The following DHRSX variants were observed in gnomAD, a reference collection of about 807,000 sequenced individuals.
DHRSX encodes dehydrogenase/reductase X-linked, also known as polyprenol dehydrogenase.
In DHRSX, 31 loss-of-function variants were observed where a neutral mutation model predicts 34.0. That is an observed-to-expected ratio of 0.91 (90% confidence interval 0.69 to 1.23). The LOEUF is 1.23. Among genes scored for constraint, DHRSX ranks in the 50% most tolerant of loss-of-function variants. The probability of loss-of-function intolerance (pLI) is 0.00; values close to 1 mark genes in which losing one functional copy is unlikely to be tolerated. For synonymous variants in DHRSX, 201 were observed against 183.8 expected (o/e 1.09, Z -0.76); for missense variants, 414 against 428.1 (o/e 0.97, Z 0.29).
At chrX:2,274,585 C>CTT (rs35716727) in intron 4 of DHRSX, among the ~76,000 whole-genome samples, 50 of 129,128 alleles carry the variant, frequency 3.9e-4, no homozygotes, top group Admixed American at 1.0e-3. Context: ...CCCGGCTAAA[C>CTT]TTTTTTTTTT....
intron 5 of DHRSX, among the ~76,000 whole-genome samples, chrX:2,246,584 T>C (rs1333355231): frequency 2.0e-5 from 3 of 148,950 alleles, no homozygotes; most frequent in Admixed American, 6.7e-5. Context: ...GATCACGCCA[T>C]TGTACTCCAG....
At chrX:2,464,164 A>G (rs969050789) in intron 1 of DHRSX, among the ~76,000 whole-genome samples, 5 of 149,576 alleles carry the variant, frequency 3.3e-5, no homozygotes, top group African/African-American at 1.2e-4. Context: ...GAATGCAGCG[A>G]AGAGATGGCA....
intron 3 of DHRSX, among the ~76,000 whole-genome samples, chrX:2,336,753 G>A (rs1436617638): frequency 2.0e-5 from 3 of 151,876 alleles, no homozygotes; most frequent in Non-Finnish European, 4.4e-5. Context: ...TCAGACTTCT[G>A]GTCTCCAGGA....
At chrX:2,266,476 G>A (rs2041474210) in intron 5 of DHRSX, among the ~76,000 whole-genome samples, 3 of 148,830 alleles carry the variant, frequency 2.0e-5, no homozygotes, top group Admixed American at 2.0e-4. Flanking sequence ...CAGAGCACCA[G>A]TGCTCGGCAG....
At chrX:2,485,778 AG>A (rs2044893106) in intron 1 of DHRSX, among the ~76,000 whole-genome samples, 1 of 22,980 alleles carries the variant, frequency 4.4e-5, no homozygotes. Context: ...GAAGGAAGGG[AG>A]AAAAGGGAGA....
chrX:2,332,968 G>A (rs1459155360), intron 3 of DHRSX, among the ~76,000 whole-genome samples: 1 of 151,984 alleles, frequency 6.6e-6, no homozygotes, highest in African/African-American at 2.4e-5. Flanking sequence ...AGGGGGCTTG[G>A]TTTCATTTTG....
At chrX:2,410,043 T>C (rs2043606299) in intron 2 of DHRSX, among the ~76,000 whole-genome samples, 2 of 152,184 alleles carry the variant, frequency 1.3e-5, no homozygotes. Flanking sequence ...GTTTCTTTAA[T>C]GTCTTAGGAA....
intron 4 of DHRSX, among the ~76,000 whole-genome samples, chrX:2,288,180 G>GGA (rs1208305900): frequency 2.0e-5 from 3 of 151,840 alleles, no homozygotes; most frequent in Non-Finnish European, 4.4e-5. Flanking sequence ...GGGAAGAGAG[G>GGA]GAGAGAGAGA....
chrX:2,397,659 AC>A (rs919031728), intron 3 of DHRSX, among the ~76,000 whole-genome samples: 2 of 151,668 alleles, frequency 1.3e-5, no homozygotes, highest in Non-Finnish European at 2.9e-5. Context: ...CATTTTAACA[AC>A]ACTCATTAAT....
At chrX:2,313,856 C>A (rs1416727486) in intron 3 of DHRSX, among the ~76,000 whole-genome samples, 1 of 152,046 alleles carries the variant, frequency 6.6e-6, no homozygotes, top group Non-Finnish European at 1.5e-5. Flanking sequence ...CAATCAAATA[C>A]ATTTCAGAAA....
chrX:2,252,747 AC>A (rs1290598512), intron 5 of DHRSX, among the ~76,000 whole-genome samples: 2 of 152,204 alleles, frequency 1.3e-5, no homozygotes, highest in Non-Finnish European at 2.9e-5. Flanking sequence ...CAAGAGGGGC[AC>A]GTAGTTTCAG....
In DHRSX at chrX:2,500,875, G is replaced by A. The variant is rs1363252638; in HGVS notation, c.51C>T (p.Gly17=). The change falls in exon 1 of 7, where the codon GGC becomes GGT. Residue 17 remains glycine, a synonymous_variant. Coordinates refer to ENST00000334651, the MANE Select transcript of DHRSX (RefSeq NM_145177.3). ...ARAALRVYAV[G]AAVILAQLLR... is the part of the protein sequence containing the mutation. ...GCAGCTGCGCCAGGATCACCGCGGC[G>A]CCTACCGCGTAGACCCGCAGGGCCG... 8 of 1,157,088 alleles carry A rather than the reference G, an allele frequency of 6.9e-6. No homozygotes were observed. The highest frequency in any genetic ancestry group is 6.4e-6 in the Non-Finnish European group (6 of 934,022). 71.7% of individuals were successfully genotyped at this position (1,157,088 alleles called of 1,614,324 possible).
intron 1 of DHRSX, chrX:2,488,956 G>C (rs200567857): frequency 1.3e-6 from 2 of 1,597,324 alleles, no homozygotes; most frequent in Non-Finnish European, 1.7e-6. Context: ...ACCACCACTT[G>C]AGGGGGTCTT....
intron 5 of DHRSX, among the ~76,000 whole-genome samples, chrX:2,256,221 C>T (rs930277085): frequency 6.6e-6 from 1 of 150,754 alleles, no homozygotes; most frequent in African/African-American, 2.4e-5. Flanking sequence ...TCTTGATCTC[C>T]TGACCTTGCG....
At chrX:2,270,197 C>T (rs2041531206) in intron 4 of DHRSX, among the ~76,000 whole-genome samples, 1 of 152,102 alleles carries the variant, frequency 6.6e-6, no homozygotes, top group South Asian at 2.1e-4. Context: ...ATTTGTGTAC[C>T]TGCCTGTGTT....
intron 4 of DHRSX, among the ~76,000 whole-genome samples, chrX:2,276,455 C>G (rs1373412545): frequency 6.6e-6 from 1 of 152,104 alleles, no homozygotes; most frequent in Non-Finnish European, 1.5e-5. Flanking sequence ...TATCGTCCAT[C>G]GATCTGCCAA....
chrX:2,458,725 C>G (rs771796927), intron 1 of DHRSX, among the ~76,000 whole-genome samples: 2 of 151,856 alleles, frequency 1.3e-5, no homozygotes, highest in African/African-American at 4.8e-5. Flanking sequence ...AGGCCAGGAG[C>G]GGTGGCTCAT....
At chrX:2,332,060 T>C (rs1221383680) in intron 3 of DHRSX, among the ~76,000 whole-genome samples, 1 of 152,192 alleles carries the variant, frequency 6.6e-6, no homozygotes, top group Admixed American at 6.5e-5. Flanking sequence ...GTTGGAATGG[T>C]GTATGGATAC....
At chrX:2,432,568 A>T (rs116072706) in intron 1 of DHRSX, among the ~76,000 whole-genome samples, 4,241 of 152,266 alleles carry the variant, frequency 0.028, 208 homozygotes, top group African/African-American at 0.098. Flanking sequence ...TGCATGTGGA[A>T]ATTGAGTACA....
Sources: gnomAD v4.1 joint callset for allele counts (sites outside exome capture counted in the v4.1 genomes callset) on GRCh38, gnomAD v4.1.1 for gene constraint, MANE v1.5 for transcripts, NCBI Gene and HGNC (gene_info 2026-07-23, HGNC 2026-07-21) for gene names.